Variants in MSI2 observed in about 807,000 individuals in gnomAD.
The protein encoded by MSI2 is musashi RNA binding protein 2.
A neutral mutation model predicts 45.6 loss-of-function variants in MSI2; 17 were observed. The observed-to-expected ratio is 0.37, with a 90% CI of 0.26 to 0.56. The LOEUF (loss-of-function observed/expected upper bound fraction) is 0.56. MSI2 is among the 20% of genes least tolerant of loss of function. The pLI, the probability that MSI2 is intolerant of heterozygous loss-of-function variation, is 0.77. For missense variants in MSI2, 293 were observed against 444.2 expected (o/e 0.66, Z 3.06); for synonymous variants, 156 against 158.2 (o/e 0.99, Z 0.11).
chr17:57,303,610 G>A (rs7218459), intron 5 of MSI2, among the ~76,000 whole-genome samples: 120,593 of 152,112 alleles, frequency 0.79, 48,089 homozygotes, highest in Middle Eastern at 0.89. Context: ...TTATTGTACA[G>A]GAAAAAATCT....
In MSI2 at chr17:57,654,967, A is replaced by G. The variant is rs1463632355; in HGVS notation, c.790+2806A>G. Among the ~76,000 whole-genome samples the G allele has an allele frequency of 2.7e-5, 4 of 147,096 alleles. No individual in the cohort carries two copies. The East Asian group carries it at 8.0e-4, about 29-fold the overall frequency. On this transcript the variant is annotated intron_variant, in intron 11 of 13. Coordinates refer to ENST00000284073, the MANE Select transcript of MSI2 (RefSeq NM_138962.4). ...ATGACTTATAGGGGAAGCTTCCTGA[A>G]GTGAGAAGCACTTGCTGAGGGCCGT...
Position 57,434,235 on chromosome 17 carries a change from C to G in MSI2, c.405+32764C>G, listed in dbSNP as rs139850375. On this transcript the variant is annotated intron_variant, in intron 6 of 13. Coordinates refer to ENST00000284073, the MANE Select transcript of MSI2 (RefSeq NM_138962.4). ...CTGCCTCAGCCTCACAAGTAGCTGG[C>G]ACTACAGGCACCTGCCACCACACCC... is the stretch of plus-strand genomic sequence containing the variant. Among the ~76,000 whole-genome samples, 1,095 of 152,142 alleles carry G rather than the reference C, an allele frequency of 7.2e-3. 12 individuals carry two copies. Among genetic ancestry groups the G allele is most frequent in the African/African-American group, 0.025 (1,046 of 41,510 alleles).
chr17:57,329,664 T>C (rs1914086994), intron 5 of MSI2, among the ~76,000 whole-genome samples: 2 of 152,192 alleles, frequency 1.3e-5, no homozygotes, highest in Non-Finnish European at 2.9e-5. Context: ...AAAAGGTTTG[T>C]CCTTCTTCTC....
intron 5 of MSI2, among the ~76,000 whole-genome samples, chr17:57,394,082 A>G (rs1028546548): frequency 2.6e-5 from 4 of 152,214 alleles, no homozygotes; most frequent in African/African-American, 4.8e-5. Context: ...GCACTATTTT[A>G]AATTTCCACC....
chr17:57,359,479 C>G (rs1252176879), intron 5 of MSI2, among the ~76,000 whole-genome samples: 3 of 152,092 alleles, frequency 2.0e-5, no homozygotes, highest in Admixed American at 6.5e-5. Flanking sequence ...GTCTTAGTTT[C>G]TTCAACTATA....
intron 4 of MSI2, among the ~76,000 whole-genome samples, chr17:57,258,759 A>G (rs1403309393): frequency 2.0e-5 from 3 of 152,168 alleles, no homozygotes; most frequent in Non-Finnish European, 2.9e-5. Flanking sequence ...CAAGGGGGAC[A>G]GCAGTGGGAA....
At chr17:57,554,108 G>C (rs973956118) in intron 7 of MSI2, among the ~76,000 whole-genome samples, 8 of 151,932 alleles carry the variant, frequency 5.3e-5, no homozygotes, top group African/African-American at 1.5e-4. Flanking sequence ...TGGGATCCGG[G>C]TGCTAATAAA....
At chr17:57,349,736 C>G (rs1915872558) in intron 5 of MSI2, among the ~76,000 whole-genome samples, 1 of 152,220 alleles carries the variant, frequency 6.6e-6, no homozygotes, top group Non-Finnish European at 1.5e-5. Context: ...TAGTTCCAGC[C>G]TGTCTGCTCA....
At chr17:57,558,918 C>T (rs773547007) in intron 7 of MSI2, among the ~76,000 whole-genome samples, 142 of 152,238 alleles carry the variant, frequency 9.3e-4, no homozygotes, top group Admixed American at 1.1e-3. Flanking sequence ...AAAAAAACAG[C>T]GAGGTGTGGT....
rs187292791 is a variant in MSI2, at chr17:57,613,900, G to A, written c.538-2070G>A. On this transcript the variant is annotated intron_variant, in intron 8 of 13. Coordinates refer to ENST00000284073, the MANE Select transcript of MSI2 (RefSeq NM_138962.4). Reference sequence around the variant, plus strand: ...AGAGCAAGAGTAATACCTGTTGTCCGGTGTCTTTGAAGAAAGGTGACTTAT... The same window carrying A: ...AGAGCAAGAGTAATACCTGTTGTCCAGTGTCTTTGAAGAAAGGTGACTTAT... Among the ~76,000 whole-genome samples, 33 of 152,214 alleles carry A rather than the reference G, an allele frequency of 2.2e-4. No individual in the cohort carries two copies. The East Asian group carries it at 5.2e-3, about 24-fold the overall frequency.
intron 6 of MSI2, among the ~76,000 whole-genome samples, chr17:57,460,735 T>C (rs1458360781): frequency 6.6e-6 from 1 of 152,052 alleles, no homozygotes; most frequent in Non-Finnish European, 1.5e-5. Context: ...ACTTGTACTT[T>C]ATCCATAGGC....
the MSI2 span, among the ~76,000 whole-genome samples, chr17:57,699,290 AGAGT>A: frequency 6.7e-6 from 1 of 150,050 alleles, no homozygotes; most frequent in Non-Finnish European, 1.5e-5. Flanking sequence ...AGAGAGAGAG[AGAGT>A]GTGTAAGCTC....
chr17:57,564,611 C>T (rs1391207696), intron 7 of MSI2, among the ~76,000 whole-genome samples: 1 of 152,120 alleles, frequency 6.6e-6, no homozygotes, highest in Non-Finnish European at 1.5e-5. Flanking sequence ...GAGCTCCAGC[C>T]CTAATAGGAG....
intron 6 of MSI2, among the ~76,000 whole-genome samples, chr17:57,423,181 G>A (rs1335605896): frequency 2.4e-4 from 36 of 152,312 alleles, no homozygotes; most frequent in Non-Finnish European, 7.3e-5. Context: ...AAAACCATGG[G>A]ATGGCTTATG....
chr17:57,310,483 A>G (rs1415459317), intron 5 of MSI2, among the ~76,000 whole-genome samples: 1 of 152,020 alleles, frequency 6.6e-6, no homozygotes, highest in East Asian at 1.9e-4. Flanking sequence ...ACAGGCACAC[A>G]ACACCGCTCC....
At chr17:57,504,269 GT>G (rs1398100138) in intron 6 of MSI2, among the ~76,000 whole-genome samples, 1 of 152,050 alleles carries the variant, frequency 6.6e-6, no homozygotes, top group African/African-American at 2.4e-5. Context: ...GTGCCCTCCC[GT>G]TATGACCTCA....
intron 5 of MSI2, among the ~76,000 whole-genome samples, chr17:57,319,834 G>A (rs927403241): frequency 2.6e-5 from 4 of 152,158 alleles, no homozygotes; most frequent in Admixed American, 6.5e-5. Flanking sequence ...GGCTGGTCTC[G>A]AACTCCTAGG....
chr17:57,514,705 T>C (rs1271359459), intron 6 of MSI2, among the ~76,000 whole-genome samples: 1 of 151,888 alleles, frequency 6.6e-6, no homozygotes. Context: ...CTCTCCGTTC[T>C]TTTTTCCCCC....
intron 7 of MSI2, among the ~76,000 whole-genome samples, chr17:57,589,768 T>G (rs1904651496): frequency 6.6e-6 from 1 of 152,148 alleles, no homozygotes; most frequent in Non-Finnish European, 1.5e-5. Context: ...TAACTTGGGG[T>G]ACCACTCCTG....
Sources: allele counts gnomAD v4.1 joint callset (sites outside exome capture counted in the v4.1 genomes callset), GRCh38; gene constraint gnomAD v4.1.1; transcripts MANE v1.5; gene names NCBI Gene and HGNC (gene_info 2026-07-23, HGNC 2026-07-21).